NAV2: variants seen among roughly 807,000 people sequenced by gnomAD.
NAV2 encodes the protein neuron navigator 2.
In NAV2, 54 loss-of-function variants were observed where a neutral mutation model predicts 223.2. The ratio of observed to expected loss-of-function variants is 0.24; its 90% confidence interval spans 0.19 to 0.30. The LOEUF is 0.30. NAV2 is among the 10% of genes least tolerant of loss of function. The pLI, the probability that NAV2 is intolerant of heterozygous loss-of-function variation, is 1.00. For missense variants in NAV2, 2,806 were observed against 3,147.5 expected (o/e 0.89, Z 2.60); for synonymous variants, 1,279 against 1,239.3 (o/e 1.03, Z -0.67).
rs1423667036 is a variant in NAV2 at position 20,103,493 on chromosome 11, G to A, written c.6572+84G>A. 8 of 1,539,790 alleles carry A rather than the reference G, an allele frequency of 5.2e-6. No homozygotes were observed. The East Asian group carries it at 9.0e-5, about 17-fold the overall frequency. On this transcript the variant is annotated intron_variant, in intron 33 of 37. Coordinates refer to ENST00000349880, the MANE Select transcript of NAV2 (RefSeq NM_145117.5). ...GCACTGTGCACACAGGTGGCCCGGG[G>A]CCGTTGTGGGAGTGAAGCTGTGCAC... is the stretch of plus-strand genomic sequence containing the variant.
intron 1 of NAV2, among the ~76,000 whole-genome samples, chr11:19,776,632 A>ATGTGTGTGTGTGTGTGTGTGTGTGTG (rs71050685): frequency 4.9e-4 from 32 of 64,656 alleles, no homozygotes; most frequent in East Asian, 7.7e-4. Context: ...GGGTCAGAAA[A>ATGTGTGTGTGTGTGTGTGTGTGTGTG]TGTGTGTGTG....
intron 1 of NAV2, among the ~76,000 whole-genome samples, chr11:19,669,239 A>G (rs762280390): frequency 3.3e-5 from 5 of 152,240 alleles, no homozygotes; most frequent in East Asian, 1.9e-4. Context: ...GGCTCCAGCC[A>G]TGTTGGACAC....
intron 6 of NAV2, among the ~76,000 whole-genome samples, chr11:19,919,888 C>A (rs1021424589): frequency 2.0e-5 from 3 of 152,134 alleles, no homozygotes; most frequent in Non-Finnish European, 4.4e-5. Flanking sequence ...AATCCCAGGA[C>A]TTTGGGAGGC....
chr11:19,408,148 C>T (rs745953765), intron 1 of NAV2, among the ~76,000 whole-genome samples: 5 of 152,158 alleles, frequency 3.3e-5, no homozygotes, highest in Non-Finnish European at 7.3e-5. Flanking sequence ...AAATGGCTTT[C>T]GAGATGCAGA....
intron 1 of NAV2, among the ~76,000 whole-genome samples, chr11:19,728,718 G>A (rs2152404870): frequency 6.6e-6 from 1 of 152,358 alleles, no homozygotes; most frequent in Admixed American, 6.5e-5. Flanking sequence ...CACCGTAAAT[G>A]TTACATCTTG....
chr11:19,983,966 G>A (rs1010728045), intron 10 of NAV2, among the ~76,000 whole-genome samples, 159 bp from the exon 11 acceptor site: 2 of 152,158 alleles, frequency 1.3e-5, no homozygotes, highest in African/African-American at 2.4e-5. Flanking sequence ...CAGCAGCTGA[G>A]TTATCCTTGG....
intron 1 of NAV2, among the ~76,000 whole-genome samples, chr11:19,566,246 G>A (rs1462422954): frequency 1.3e-5 from 2 of 151,548 alleles, no homozygotes; most frequent in African/African-American, 4.9e-5. Flanking sequence ...AATTTTTTTT[G>A]TTGTTGCTGT....
At chr11:19,394,310 T>C (rs543653220) in intron 1 of NAV2, among the ~76,000 whole-genome samples, 53 of 152,292 alleles carry the variant, frequency 3.5e-4, no homozygotes, top group African/African-American at 1.2e-3. Flanking sequence ...ACTTTTATAA[T>C]GGGGAAAAAA....
chr11:19,892,585 C>T lies in NAV2; in HGVS notation c.922C>T (p.His308Tyr), dbSNP rs1305578196. 9 of 1,613,726 alleles carry T rather than the reference C, an allele frequency of 5.6e-6. No homozygotes were observed. Among genetic ancestry groups the T allele is most frequent in the Non-Finnish European group, 7.6e-6 (9 of 1,179,818 alleles). ...CTCCCCACCCCCACCGCCAAGCAGC[C>T]ACGAGAAAGGTGAGTCACCTTCTTG... ...VTSPPPPPSS[H>Y]EKEPLASSAS... The change falls in exon 6 of 38, where the codon CAC (histidine) becomes TAC (tyrosine). Residue 308 changes from histidine to tyrosine, a missense_variant. His to Tyr is a moderately conservative substitution (Grantham distance 83). Transcript: ENST00000349880.
intron 1 of NAV2, among the ~76,000 whole-genome samples, chr11:19,526,837 G>T (rs2134382906): frequency 6.6e-6 from 1 of 152,288 alleles, no homozygotes; most frequent in Admixed American, 6.5e-5. Context: ...GTTACACAAA[G>T]TCCATATCTG....
At position 19,566,099 on chromosome 11, in the gene NAV2, C is replaced by T. The variant is rs577592688; in HGVS notation, c.75+215072C>T. On this transcript the variant is annotated intron_variant, in intron 1 of 37. Coordinates refer to the NAV2 transcript ENST00000360655. ...TTTATTTTTTTGTGAAACAGGGCTT[C>T]GCTCTGTCACCCAAGCTGGAGTGCA... is the stretch of plus-strand genomic sequence containing the variant. Among the ~76,000 whole-genome samples, 6 of 113,590 alleles carry T rather than the reference C, an allele frequency of 5.3e-5. No homozygotes were observed. In the South Asian group the frequency reaches 9.6e-4, roughly 18 times the overall value. 74.5% of individuals were successfully genotyped at this position (113,590 alleles called of 152,430 possible).
chr11:20,057,843 T>C (rs192348091), intron 19 of NAV2, among the ~76,000 whole-genome samples: 185 of 152,338 alleles, frequency 1.2e-3, no homozygotes, highest in Non-Finnish European at 1.1e-3. Context: ...ACAGCACAAC[T>C]GTGGAATATC....
At chr11:19,773,005 G>A (rs1258064366) in intron 1 of NAV2, among the ~76,000 whole-genome samples, 3 of 152,214 alleles carry the variant, frequency 2.0e-5, no homozygotes, top group Non-Finnish European at 4.4e-5. Context: ...CAGTTTCTTA[G>A]TGAAGAAAAG....
intron 1 of NAV2, among the ~76,000 whole-genome samples, chr11:19,416,154 T>A (rs1036274356): frequency 6.6e-6 from 1 of 152,014 alleles, no homozygotes; most frequent in Non-Finnish European, 1.5e-5. Context: ...GAAACCAAAT[T>A]GTCTCTCTTT....
At chr11:20,109,718 C>G (rs917333706) in intron 36 of NAV2, among the ~76,000 whole-genome samples, 4 of 152,188 alleles carry the variant, frequency 2.6e-5, no homozygotes, top group African/African-American at 9.7e-5. Context: ...GCCCCTGATT[C>G]CACCTCACCT....
chr11:19,555,469 C>T (rs1269652498), intron 1 of NAV2, among the ~76,000 whole-genome samples: 1 of 152,176 alleles, frequency 6.6e-6, no homozygotes. Context: ...GGGCAGCTCA[C>T]CACAGCATCC....
At chr11:19,670,818 G>T (rs1208353509) in intron 1 of NAV2, among the ~76,000 whole-genome samples, 2 of 152,214 alleles carry the variant, frequency 1.3e-5, no homozygotes, top group African/African-American at 4.8e-5. Context: ...CAACCACGCA[G>T]CCCTTTGTGT....
intron 1 of NAV2, among the ~76,000 whole-genome samples, chr11:19,434,452 T>C (rs1049292556): frequency 6.6e-6 from 1 of 152,070 alleles, no homozygotes; most frequent in Non-Finnish European, 1.5e-5. Flanking sequence ...AATGAAGAAG[T>C]TGGAGAGCAA....
At chr11:19,772,800 C>T (rs1278283712) in intron 1 of NAV2, among the ~76,000 whole-genome samples, 3 of 152,132 alleles carry the variant, frequency 2.0e-5, no homozygotes, top group African/African-American at 7.2e-5. Context: ...CTGAAGTTCC[C>T]CTGGCCGGCC....
Sources: gnomAD v4.1 joint callset for allele counts (sites outside exome capture counted in the v4.1 genomes callset) on GRCh38, gnomAD v4.1.1 for gene constraint, MANE v1.5 for transcripts, NCBI Gene and HGNC (gene_info 2026-07-23, HGNC 2026-07-21) for gene names.